The following FANCD2 variants were observed in gnomAD, a reference collection of about 807,000 sequenced individuals.
FANCD2 encodes the protein FA complementation group D2.
In FANCD2, 131 loss-of-function variants were observed where a neutral mutation model predicts 192.3. That is an observed-to-expected ratio of 0.68 (90% confidence interval 0.59 to 0.79). The LOEUF is 0.79. FANCD2 is among the 30% of genes least tolerant of loss of function. The probability of loss-of-function intolerance (pLI) is 0.00; values close to 1 mark genes in which losing one functional copy is unlikely to be tolerated. For missense variants in FANCD2, 1,508 were observed against 1,701.6 expected, an observed-to-expected ratio of 0.89 and a Z score of 2.00; for synonymous variants, 524 against 612.5, an observed-to-expected ratio of 0.86 and a Z score of 2.13.
intron 18 of FANCD2, among the ~76,000 whole-genome samples, chr3:10,053,255 A>T (rs1271286119): frequency 1.3e-5 from 2 of 151,588 alleles, no homozygotes; most frequent in East Asian, 1.9e-4. Context: ...GGAAATCATC[A>T]TTCTCAGTAA....
At chr3:10,043,780 T>C in intron 13 of FANCD2, 49 bp from the exon 14 acceptor site, 1 of 1,569,982 alleles carries the variant, frequency 6.4e-7, no homozygotes. Context: ...GTGTAACGTG[T>C]TTCGCTGATG....
Position 10,074,462 on chromosome 3 carries a change from G to A in FANCD2, c.2716-68G>A, listed in dbSNP as rs7625685. 5.8e-3 allele frequency: 8,253 copies of A among 1,426,402 alleles called. 413 individuals are homozygous for A. The African/African-American group carries it at 0.1, about 18-fold the overall frequency. The allele number at this position is 1,426,402 out of a possible 1,614,324, so 88.4% of individuals were successfully genotyped here. A position where few individuals can be genotyped will look rare whatever the true frequency, so the allele number is the denominator to read the frequency against. On this transcript the variant is annotated intron_variant, in intron 28 of 43. Transcript: ENST00000675286. ...AATAAATGCATATTTGTACTTTGAA[G>A]TTTTTATTAAAATTCGATTAATATA... is the stretch of plus-strand genomic sequence containing the variant.
Position 10,049,387 on chromosome 3 carries a change from C to A in FANCD2, c.1427C>A (p.Ala476Asp), listed in dbSNP as rs756614079. ...DTYCQQEVVG[A>D]LVTHICSGNE... ...TCCCCTGTATAGGAAGTGGTTGGTG[C>A]CTTAGTGACCCATATCTGCAGTGGG... The change falls in exon 17 of 44, where the codon GCC becomes GAC. Residue 476 changes from alanine (A) to aspartate (D), a missense_variant. Ala to Asp is a moderately radical substitution (Grantham distance 126). Coordinates refer to ENST00000675286, the MANE Select transcript of FANCD2 (RefSeq NM_001018115.3). 14 of 1,611,134 alleles carry A rather than the reference C, an allele frequency of 8.7e-6. No individual in the cohort carries two copies. Among genetic ancestry groups the A allele is most frequent in the African/African-American group, 4.1e-5 (3 of 73,944 alleles).
intron 42 of FANCD2, among the ~76,000 whole-genome samples, chr3:10,098,021 GT>G (rs888186655): frequency 6.6e-6 from 1 of 152,034 alleles, no homozygotes; most frequent in Non-Finnish European, 1.5e-5. Context: ...CTGAAATCTT[GT>G]GTTGTTTATA....
rs571656671 is a variant in FANCD2 at position 10,030,621 on chromosome 3, C to T, written c.64+1900C>T. On this transcript the variant is annotated intron_variant, in intron 2 of 43. Transcript: ENST00000675286. ...TGATTTAGAAACGGAAACTGTGGGCCGGGCACAGTGGCTCACACCTGTAAT... is the reference window on the plus strand; with the variant it reads ...TGATTTAGAAACGGAAACTGTGGGCTGGGCACAGTGGCTCACACCTGTAAT... 2.3e-4 allele frequency among the ~76,000 whole-genome samples: 35 copies of T among 152,184 alleles called. No individual in the cohort carries two copies. In the South Asian group the frequency reaches 2.5e-3, roughly 11 times the overall value.
Position 10,087,182 on chromosome 3 carries a change from C to T in FANCD2, c.3384C>T (p.Phe1128=), listed in dbSNP as rs1694258637. The T allele has an allele frequency of 6.2e-7, 1 of 1,613,758 alleles. No individual in the cohort carries two copies. Among genetic ancestry groups the T allele is most frequent in the Non-Finnish European group, 8.5e-7 (1 of 1,179,860 alleles). Residue 1128 remains phenylalanine, a synonymous_variant, in exon 34 of 44, where the codon TTC becomes TTT. Transcript: ENST00000675286. The part of the protein sequence containing the change: ...LQNFHQSIPS[F]QCALYLIRLL... The stretch of plus-strand genomic sequence containing the variant: ...ATTTCCATCAAAGCATTCCCAGTTT[C>T]CAGTGTGCTCTTTATCTCATCAGAC...
rs1174526149 is a variant in FANCD2, at chr3:10,078,111, G to A, written c.2890G>A (p.Glu964Lys). Residue 964 changes from glutamate (E) to lysine (K), a missense_variant, in exon 30 of 44, where the codon GAG becomes AAG. By Grantham distance (56) the Glu-to-Lys change is moderately conservative. Around this residue, in one of 5 missense-constraint regions of FANCD2, gnomAD observed 796 missense variants for 879.4 expected, o/e 0.91. Coordinates refer to ENST00000675286, the MANE Select transcript of FANCD2 (RefSeq NM_001018115.3). ...AGAAGTTGTGCAACTTGGGCCCCCTGAGCTGCTTTTCTTGCTGGAAGATCT... is the reference window on the plus strand; with the variant it reads ...AGAAGTTGTGCAACTTGGGCCCCCTAAGCTGCTTTTCTTGCTGGAAGATCT... ...ATEVVQLGPP[E>K]LLFLLEDLSQ... is the part of the protein sequence containing the mutation. 1.2e-6 allele frequency: 2 copies of A among 1,613,762 alleles called. No individual in the cohort carries two copies. Among genetic ancestry groups the A allele is most frequent in the African/African-American group, 2.7e-5 (2 of 74,928 alleles).
chr3:10,083,027 G>C (rs1474263546), intron 32 of FANCD2, among the ~76,000 whole-genome samples: 1 of 152,144 alleles, frequency 6.6e-6, no homozygotes, highest in Non-Finnish European at 1.5e-5. Flanking sequence ...AGGAGTTCGA[G>C]ACCAGCCTGG....
chr3:10,033,672 G>A (rs1319968647), intron 3 of FANCD2, among the ~76,000 whole-genome samples: 6 of 144,024 alleles, frequency 4.2e-5, no homozygotes, highest in African/African-American at 1.5e-4. Flanking sequence ...AGAACACTTA[G>A]TGGCTATCTG....
chr3:10,035,283 G>A (rs376809847), intron 6 of FANCD2, 50 bp downstream of exon 6: 12 of 1,482,766 alleles, frequency 8.1e-6, no homozygotes, highest in South Asian at 1.1e-5. Context: ...GGTTTGTGGT[G>A]TATGCTCAAG....
intron 17 of FANCD2, among the ~76,000 whole-genome samples, chr3:10,049,709 A>T (rs1330348383): frequency 1.3e-5 from 2 of 152,214 alleles, no homozygotes; most frequent in Non-Finnish European, 2.9e-5. Flanking sequence ...GTAGGCCCTT[A>T]CCTTTCATGT....
chr3:10,034,439 T>A (rs2086680135), intron 3 of FANCD2, 30 bp from the exon 4 acceptor site: 1 of 1,556,574 alleles, frequency 6.4e-7, no homozygotes, highest in African/African-American at 1.4e-5. Flanking sequence ...GGTAGGAAAC[T>A]GGTGACCAGC....
intron 39 of FANCD2, 56 bp from the exon 40 acceptor site, chr3:10,094,232 AG>A: frequency 7.6e-7 from 1 of 1,315,938 alleles, no homozygotes; most frequent in Non-Finnish European, 1.1e-6. Flanking sequence ...ATTCTGCCTC[AG>A]GGGCCTTTCA....
chr3:10,045,019 G>T (rs1272576582), intron 14 of FANCD2, among the ~76,000 whole-genome samples: 4 of 150,154 alleles, frequency 2.7e-5, no homozygotes, highest in Admixed American at 6.6e-5. Flanking sequence ...AAGAAGTGGA[G>T]CATTCAGTTA....
intron 18 of FANCD2, among the ~76,000 whole-genome samples, chr3:10,059,498 C>T (rs948519046): frequency 6.6e-6 from 1 of 152,106 alleles, no homozygotes; most frequent in African/African-American, 2.4e-5. Context: ...TATCGCTAAT[C>T]CTTAAAACAA....
intron 1 of FANCD2, among the ~76,000 whole-genome samples, chr3:10,027,477 C>A (rs904240530): frequency 2.0e-5 from 3 of 152,182 alleles, no homozygotes; most frequent in Non-Finnish European, 4.4e-5. Context: ...TCAGGCACTT[C>A]CCCCACCTCT....
At chr3:10,073,052 G>A (rs1575809577) in intron 27 of FANCD2, 71 bp downstream of exon 27, 2 of 937,704 alleles carry the variant, frequency 2.1e-6, no homozygotes, top group Non-Finnish European at 3.5e-6. Flanking sequence ...AAAGTTATGT[G>A]TATCATGGCA....
chr3:10,053,112 A>G lies in FANCD2; in HGVS notation c.1656+615A>G, dbSNP rs527954157. On this transcript the variant is annotated intron_variant, in intron 18 of 43. Coordinates refer to ENST00000675286, the MANE Select transcript of FANCD2 (RefSeq NM_001018115.3). ...ATTGCGGCACTATTCACAATAGCAA[A>G]GACTTGGAACCAACCCAGATGTCCA... is the stretch of plus-strand genomic sequence containing the variant. 6.7e-5 allele frequency among the ~76,000 whole-genome samples: 10 copies of G among 148,166 alleles called. No individual in the cohort carries two copies. In the East Asian group the frequency reaches 1.9e-3, roughly 29 times the overall value.
chr3:10,041,419 TTTA>T (rs2086861148), intron 9 of FANCD2: 1 of 494,896 alleles, frequency 2.0e-6, no homozygotes, highest in African/African-American at 1.9e-5. Flanking sequence ...TGTTTCTACT[TTTA>T]TTATTTGAAT....
Sources: allele counts gnomAD v4.1 joint callset (sites outside exome capture counted in the v4.1 genomes callset), GRCh38; gene constraint gnomAD v4.1.1; regional missense constraint gnomAD v4.1.1; transcripts MANE v1.5; gene names NCBI Gene and HGNC (gene_info 2026-07-23, HGNC 2026-07-21).